Variants in PHF21A observed in about 807,000 individuals in gnomAD.
The protein encoded by PHF21A is BHC80a.
A neutral mutation model predicts 82.5 loss-of-function variants in PHF21A; 11 were observed. The ratio of observed to expected loss-of-function variants is 0.13; its 90% confidence interval spans 0.08 to 0.22. The LOEUF (loss-of-function observed/expected upper bound fraction) is 0.22. Among genes scored for constraint, PHF21A ranks in the 10% least tolerant of loss-of-function variants. The pLI is 1.00. For synonymous variants in PHF21A, 297 were observed against 302.8 expected, an observed-to-expected ratio of 0.98 and a Z score of 0.20; for missense variants, 579 against 837.8, an observed-to-expected ratio of 0.69 and a Z score of 3.81.
At chr11:45,969,791 T>C (rs2093650153) in intron 9 of PHF21A, 24 bp downstream of exon 9, 2 of 1,483,732 alleles carry the variant, frequency 1.3e-6, no homozygotes, top group African/African-American at 1.4e-5. Flanking sequence ...AACCTATCAT[T>C]GAGCTTGTCA....
chr11:45,974,594 A>T (rs1189833433), intron 7 of PHF21A, among the ~76,000 whole-genome samples: 1 of 149,718 alleles, frequency 6.7e-6, no homozygotes, highest in Non-Finnish European at 1.5e-5. Context: ...CCTTGGACTA[A>T]AGGCAGGTGC....
intron 15 of PHF21A, among the ~76,000 whole-genome samples, chr11:45,945,046 A>G (rs2091087756): frequency 6.6e-6 from 1 of 152,202 alleles, no homozygotes; most frequent in Admixed American, 6.5e-5. Flanking sequence ...TACAGGCATA[A>G]GCCACCATGC....
At chr11:46,096,199 A>G (rs1384686939) in intron 1 of PHF21A, among the ~76,000 whole-genome samples, 1 of 151,788 alleles carries the variant, frequency 6.6e-6, no homozygotes, top group African/African-American at 2.4e-5. Flanking sequence ...ACATTCCTCT[A>G]GCTCTTTTCC....
intron 18 of PHF21A, 111 bp from the exon 19 acceptor site, chr11:45,934,336 G>A (rs146821133): frequency 2.1e-5 from 24 of 1,122,194 alleles, no homozygotes; most frequent in South Asian, 7.4e-5. Flanking sequence ...AGCTCTGCTG[G>A]CTGCTGTGCA....
At chr11:46,090,324 G>A (rs1232122222) in intron 3 of PHF21A, 131 bp downstream of exon 3, 1 of 152,178 alleles carries the variant, frequency 6.6e-6, no homozygotes, top group Non-Finnish European at 1.5e-5. Flanking sequence ...GATAATGCAA[G>A]TGGGTGTGGT....
chr11:46,072,434 C>T (rs1434707320), intron 6 of PHF21A, among the ~76,000 whole-genome samples: 1 of 152,234 alleles, frequency 6.6e-6, no homozygotes, highest in South Asian at 2.1e-4. Flanking sequence ...GATGTGAAAG[C>T]TGCATGCTGA....
Position 46,020,869 on chromosome 11 carries a change from C to G in PHF21A, c.154-40903G>C, listed in dbSNP as rs1047837356. Among the ~76,000 whole-genome samples the G allele has an allele frequency of 3.3e-5, 5 of 152,146 alleles. No homozygotes were observed. In the East Asian group the frequency reaches 9.6e-4, roughly 29 times the overall value. ...AAAGCGATATGCATTCAGTAAGCTTCTCAATTAACTTATGATGGGGTTATG... is the reference window on the plus strand; with the variant it reads ...AAAGCGATATGCATTCAGTAAGCTTGTCAATTAACTTATGATGGGGTTATG... On this transcript the variant is annotated intron_variant, in intron 6 of 18. Coordinates refer to ENST00000676320, the MANE Select transcript of PHF21A (RefSeq NM_001352027.3).
chr11:46,120,172 C>G (rs1041426451), intron 1 of PHF21A, among the ~76,000 whole-genome samples: 2 of 149,838 alleles, frequency 1.3e-5, no homozygotes, highest in African/African-American at 4.9e-5. Flanking sequence ...GGCCCGGCAG[C>G]GTCAGCAGCC....
At chr11:46,008,621 C>T (rs548557673) in intron 6 of PHF21A, among the ~76,000 whole-genome samples, 2 of 152,168 alleles carry the variant, frequency 1.3e-5, no homozygotes, top group East Asian at 1.9e-4. Context: ...AAATGTGACT[C>T]GGTTTTGTGT....
chr11:46,005,780 C>A (rs1267929060), intron 6 of PHF21A, among the ~76,000 whole-genome samples: 1 of 152,126 alleles, frequency 6.6e-6, no homozygotes, highest in Admixed American at 6.5e-5. Flanking sequence ...GACGGATCAT[C>A]CCACCAATTC....
chr11:45,936,117 A>C (rs1211839001), intron 17 of PHF21A, among the ~76,000 whole-genome samples: 1 of 152,102 alleles, frequency 6.6e-6, no homozygotes, highest in Non-Finnish European at 1.5e-5. Context: ...TCTCCACCAA[A>C]AAATACTAAA....
intron 10 of PHF21A, among the ~76,000 whole-genome samples, chr11:45,963,225 G>C (rs1274538227): frequency 6.6e-6 from 1 of 151,926 alleles, no homozygotes; most frequent in Non-Finnish European, 1.5e-5. Context: ...TCTGAGACCA[G>C]CCTGGCCAAC....
chr11:46,031,045 A>G (rs1447572943), intron 6 of PHF21A, among the ~76,000 whole-genome samples: 1 of 152,212 alleles, frequency 6.6e-6, no homozygotes, highest in Non-Finnish European at 1.5e-5. Context: ...GAACTTTTAC[A>G]GGAAATTCAT....
intron 6 of PHF21A, among the ~76,000 whole-genome samples, chr11:46,000,834 C>T (rs771824053): frequency 4.6e-5 from 7 of 152,120 alleles, no homozygotes; most frequent in South Asian, 2.1e-4. Context: ...GCAGGAGGAT[C>T]GCTTGAACCC....
intron 10 of PHF21A, among the ~76,000 whole-genome samples, chr11:45,959,905 T>TGGATGTA (rs2092969160): frequency 6.6e-6 from 1 of 152,196 alleles, no homozygotes; most frequent in Non-Finnish European, 1.5e-5. Flanking sequence ...CCTTTTTCCA[T>TGGATGTA]GGATGTACAA....
chr11:46,035,282 G>A (rs565749607), intron 6 of PHF21A, among the ~76,000 whole-genome samples: 2 of 152,196 alleles, frequency 1.3e-5, no homozygotes, highest in African/African-American at 4.8e-5. Context: ...TTTCTCTACT[G>A]ATCTGAAATA....
intron 1 of PHF21A, among the ~76,000 whole-genome samples, chr11:46,094,232 C>T (rs989545340): frequency 1.3e-5 from 2 of 152,102 alleles, no homozygotes; most frequent in Non-Finnish European, 2.9e-5. Context: ...GCATTTTCTC[C>T]AAAAATGAGG....
intron 1 of PHF21A, among the ~76,000 whole-genome samples, chr11:46,092,833 C>T (rs1449258891): frequency 6.6e-6 from 1 of 150,960 alleles, no homozygotes; most frequent in Non-Finnish European, 1.5e-5. Flanking sequence ...TCACAGCTCA[C>T]TGCAGCCTCA....
chr11:46,051,411 C>G (rs2959082), intron 6 of PHF21A, among the ~76,000 whole-genome samples: 137,221 of 152,154 alleles, frequency 0.9, 62,039 homozygotes, highest in East Asian at 1. Flanking sequence ...AGAGCATTTA[C>G]CATTACCTCC....
Sources: allele counts gnomAD v4.1 joint callset (sites outside exome capture counted in the v4.1 genomes callset), GRCh38; gene constraint gnomAD v4.1.1; transcripts MANE v1.5; gene names NCBI Gene and HGNC (gene_info 2026-07-23, HGNC 2026-07-21).